The following MDGA2 variants were observed in gnomAD, a reference collection of about 807,000 sequenced individuals.
The protein encoded by MDGA2 is MAM domain containing glycosylphosphatidylinositol anchor 2.
Under a neutral mutation model 117.8 loss-of-function variants are expected in MDGA2, and 40 were observed. The observed-to-expected ratio is 0.34, with a 90% CI of 0.26 to 0.44. The LOEUF (loss-of-function observed/expected upper bound fraction) is 0.44. MDGA2 is among the 20% of genes least tolerant of loss of function. The probability of loss-of-function intolerance (pLI) is 1.00; values close to 1 mark genes in which losing one functional copy is unlikely to be tolerated. For missense variants in MDGA2, 1,123 were observed against 1,250.6 expected, an observed-to-expected ratio of 0.90 and a Z score of 1.54; for synonymous variants, 452 against 439.0, an observed-to-expected ratio of 1.03 and a Z score of -0.37.
chr14:47,480,083 A>AT (rs35894402), intron 1 of MDGA2, among the ~76,000 whole-genome samples: 70,083 of 151,840 alleles, frequency 0.46, 16,414 homozygotes, highest in East Asian at 0.61. Flanking sequence ...TTACAAAAAA[A>AT]TCAATGTTTC....
chr14:47,284,400 G>A lies in MDGA2; in HGVS notation c.420+17011C>T, dbSNP rs761781470. On this transcript the variant is annotated intron_variant, in intron 2 of 16. Coordinates refer to ENST00000399232, the MANE Select transcript of MDGA2 (RefSeq NM_001113498.3). ...AGAATGGAAAAACAAACTTGTGGGT[G>A]GACAGCTTGGCAAGTAGTACCTATT... Among the ~76,000 whole-genome samples the A allele has an allele frequency of 5.3e-5, 8 of 152,096 alleles. 1 individual carries two copies. The highest frequency in any genetic ancestry group is 1.0e-4 in the Non-Finnish European group (7 of 68,012).
At chr14:47,613,820 A>C (rs1013302050) in intron 1 of MDGA2, among the ~76,000 whole-genome samples, 2 of 152,094 alleles carry the variant, frequency 1.3e-5, no homozygotes, top group Admixed American at 1.3e-4. Flanking sequence ...CACTTATTAA[A>C]AATTTTACCT....
intron 1 of MDGA2, among the ~76,000 whole-genome samples, chr14:47,654,927 T>C (rs1897715940): frequency 6.6e-6 from 1 of 152,026 alleles, no homozygotes; most frequent in African/African-American, 2.4e-5. Flanking sequence ...AAGAGAGGCA[T>C]TTTTGATGTG....
chr14:47,222,221 A>G (rs1201854582), intron 2 of MDGA2, among the ~76,000 whole-genome samples: 1 of 152,130 alleles, frequency 6.6e-6, no homozygotes, highest in Admixed American at 6.5e-5. Context: ...CAAGATGGGA[A>G]AAGAAGGCAT....
chr14:47,009,896 C>T (rs1406816919), intron 8 of MDGA2, among the ~76,000 whole-genome samples: 1 of 151,986 alleles, frequency 6.6e-6, no homozygotes, highest in African/African-American at 2.4e-5. Flanking sequence ...CTATCTCTGT[C>T]ATCCATATAC....
chr14:47,377,624 C>T (rs964516753), intron 1 of MDGA2, among the ~76,000 whole-genome samples: 3 of 152,106 alleles, frequency 2.0e-5, no homozygotes, highest in Admixed American at 6.5e-5. Context: ...GCTAGCACAG[C>T]AGTCTGAGAT....
At chr14:47,200,534 CT>C (rs10639284) in intron 3 of MDGA2, 35,885 of 416,070 alleles carry the variant, frequency 0.086, 263 homozygotes, top group Middle Eastern at 0.12. Context: ...TTTTTCTTTT[CT>C]TTTTTTTTTT....
At chr14:47,512,107 A>G (rs761419256) in intron 1 of MDGA2, among the ~76,000 whole-genome samples, 1 of 152,182 alleles carries the variant, frequency 6.6e-6, no homozygotes, top group Non-Finnish European at 1.5e-5. Context: ...CATGAGAATT[A>G]CTGAAAACTG....
At position 47,330,522 on chromosome 14, in the gene MDGA2, G is replaced by A. The variant is rs186243811; in HGVS notation, c.281-28972C>T. Among the ~76,000 whole-genome samples the A allele has an allele frequency of 1.3e-5, 2 of 151,984 alleles. 1 individual carries two copies. The highest frequency in any genetic ancestry group is 4.8e-5 in the African/African-American group (2 of 41,534). On this transcript the variant is annotated intron_variant, in intron 1 of 16. Transcript: ENST00000399232. ...TTTTAAGCCAGGAAAGCAGAACTCT[G>A]ATAGTAAAGTGAAACTGTGTCTTCA...
rs537565828 is a variant in MDGA2, at chr14:47,628,143, C to T, written c.280+46374G>A. Among the ~76,000 whole-genome samples, 15 of 152,318 alleles carry T rather than the reference C, an allele frequency of 9.8e-5. No homozygotes were observed. In the South Asian group the frequency reaches 2.7e-3, roughly 27 times the overall value. On this transcript the variant is annotated intron_variant, in intron 1 of 16. Coordinates refer to ENST00000399232, the MANE Select transcript of MDGA2 (RefSeq NM_001113498.3). Reference sequence around the variant, plus strand: ...TTCTCTTCCCACTGTCTCAAGTTCTCTTCTTCCCCACTCTTGCCATCACTT... The same window carrying T: ...TTCTCTTCCCACTGTCTCAAGTTCTTTTCTTCCCCACTCTTGCCATCACTT...
chr14:47,270,598 G>C (rs1331270999), intron 2 of MDGA2, among the ~76,000 whole-genome samples: 1 of 152,126 alleles, frequency 6.6e-6, no homozygotes, highest in African/African-American at 2.4e-5. Flanking sequence ...ATGACAAGGT[G>C]GCATGAGATG....
chr14:47,096,523 T>G (rs1879978212), intron 6 of MDGA2, among the ~76,000 whole-genome samples: 3 of 150,624 alleles, frequency 2.0e-5, no homozygotes. Flanking sequence ...ATACAATCAG[T>G]GTATATTTTA....
intron 1 of MDGA2, among the ~76,000 whole-genome samples, chr14:47,667,776 C>T (rs1035261632): frequency 8.5e-5 from 13 of 152,264 alleles, no homozygotes; most frequent in African/African-American, 3.1e-4. Flanking sequence ...TACAGGATCA[C>T]TTGATTATTT....
chr14:47,001,982 A>C (rs982912870), intron 8 of MDGA2, among the ~76,000 whole-genome samples: 2 of 152,094 alleles, frequency 1.3e-5, no homozygotes, highest in African/African-American at 2.4e-5. Context: ...TCTCAACTAC[A>C]TATTTTTAAA....
intron 1 of MDGA2, among the ~76,000 whole-genome samples, chr14:47,560,287 G>A (rs1289092841): frequency 2.0e-5 from 3 of 151,596 alleles, no homozygotes; most frequent in African/African-American, 7.3e-5. Flanking sequence ...TAGCCAGGAT[G>A]GTCTCGACCT....
chr14:47,497,869 C>T (rs142583513), intron 1 of MDGA2, among the ~76,000 whole-genome samples: 12 of 152,202 alleles, frequency 7.9e-5, no homozygotes, highest in African/African-American at 2.9e-4. Flanking sequence ...GTTACCCAAT[C>T]AGTAACTTCT....
intron 1 of MDGA2, among the ~76,000 whole-genome samples, chr14:47,495,695 G>A (rs139004202): frequency 3.7e-4 from 56 of 152,262 alleles, no homozygotes; most frequent in Admixed American, 2.8e-3. Context: ...CTATTGTTAT[G>A]TCTAATGCTG....
Position 47,561,159 on chromosome 14 carries a change from TTTTG to T in MDGA2, c.280+113354_280+113357del, listed in dbSNP as rs1458696615. ...TATCTTTGTTTTTTTTTTTGTTTTGTTTTGTTTTTTTGTTTGTTTGTTTTTTTTT... is the reference window on the plus strand; with the variant it reads ...TATCTTTGTTTTTTTTTTTGTTTTGTTTTTTTTGTTTGTTTGTTTTTTTTT... On this transcript the variant is annotated intron_variant, in intron 1 of 16. Transcript: ENST00000399232. 7.5e-5 allele frequency among the ~76,000 whole-genome samples: 5 copies of T among 66,516 alleles called. 1 individual carries two copies. Among genetic ancestry groups the T allele is most frequent in the Non-Finnish European group, 1.5e-4 (5 of 32,874 alleles). The allele number at this position is 66,516 out of a possible 152,430, so 43.6% of individuals were successfully genotyped here. A position where few individuals can be genotyped will look rare whatever the true frequency, so the allele number is the denominator to read the frequency against.
chr14:47,294,474 G>A (rs970568330), intron 2 of MDGA2, among the ~76,000 whole-genome samples: 15 of 151,770 alleles, frequency 9.9e-5, no homozygotes, highest in Non-Finnish European at 2.2e-4. Context: ...AAGATTATTT[G>A]AAAAAGTATT....
Sources: gnomAD v4.1 joint callset for allele counts (sites outside exome capture counted in the v4.1 genomes callset) on GRCh38, gnomAD v4.1.1 for gene constraint, MANE v1.5 for transcripts, NCBI Gene and HGNC (gene_info 2026-07-23, HGNC 2026-07-21) for gene names.